The following CSMD1 variants were observed in gnomAD, a reference collection of about 807,000 sequenced individuals.
CSMD1 encodes CUB and sushi domain-containing protein 1.
CSMD1 carries 213 observed loss-of-function variants against 417.5 expected under a neutral mutation model. The observed-to-expected ratio is 0.51, with a 90% CI of 0.46 to 0.57. The LOEUF (loss-of-function observed/expected upper bound fraction) is 0.57, where lower values mean the gene tolerates loss of function less well. Among genes scored for constraint, CSMD1 ranks in the 20% least tolerant of loss-of-function variants. CSMD1 has a pLI of 0.00. For synonymous variants in CSMD1, 2,862 were observed against 1,736.8 expected (o/e 1.65, Z -16.11); for missense variants, 6,923 against 4,529.7 (o/e 1.53, Z -15.17).
At chr8:4,129,679 A>G (rs1802978853) in intron 3 of CSMD1, among the ~76,000 whole-genome samples, 1 of 152,172 alleles carries the variant, frequency 6.6e-6, no homozygotes, top group African/African-American at 2.4e-5. Context: ...GAAATCACCT[A>G]ATGACATTTT....
chr8:4,750,598 G>GCC (rs202035447), intron 1 of CSMD1, among the ~76,000 whole-genome samples: 1 of 151,362 alleles, frequency 6.6e-6, no homozygotes, highest in African/African-American at 2.4e-5. Context: ...AGTGGTTCGT[G>GCC]ATCCAGCAAT....
intron 1 of CSMD1, among the ~76,000 whole-genome samples, chr8:4,742,344 A>G (rs1810674741): frequency 6.6e-6 from 1 of 151,800 alleles, no homozygotes; most frequent in African/African-American, 2.4e-5. Context: ...CTGAATTTTG[A>G]GAAGCACATC....
At chr8:4,183,253 T>G (rs1179110826) in intron 3 of CSMD1, among the ~76,000 whole-genome samples, 1 of 152,200 alleles carries the variant, frequency 6.6e-6, no homozygotes, top group Non-Finnish European at 1.5e-5. Context: ...AAATTTGCAG[T>G]AGACTGAAAA....
At chr8:3,525,034 C>G (rs186423608) in intron 10 of CSMD1, among the ~76,000 whole-genome samples, 1 of 152,272 alleles carries the variant, frequency 6.6e-6, no homozygotes, top group Admixed American at 6.5e-5. Context: ...CTGCCCCAAT[C>G]CCTTGGTCCA....
At chr8:3,711,095 A>G (rs955150188) in intron 6 of CSMD1, among the ~76,000 whole-genome samples, 7 of 152,130 alleles carry the variant, frequency 4.6e-5, no homozygotes, top group Admixed American at 6.5e-5. Context: ...TATATTTCCT[A>G]TAGCAATATT....
intron 50 of CSMD1, among the ~76,000 whole-genome samples, chr8:3,050,003 G>A (rs1047287637): frequency 4.6e-5 from 7 of 151,744 alleles, no homozygotes; most frequent in Admixed American, 6.6e-5. Context: ...AAGTGACCTT[G>A]TCATTTAGCA....
rs182135240 is a variant in CSMD1 at position 4,636,123 on chromosome 8, A to G, written c.302+1219T>C. ...TCTGTAGAGATTTTTTTCTCATCCC[A>G]TAAAATAATAAATGAAGCATATGAT... On this transcript the variant is annotated intron_variant, in intron 2 of 69. Coordinates refer to ENST00000635120, the MANE Select transcript of CSMD1 (RefSeq NM_033225.6). 3.1e-3 allele frequency among the ~76,000 whole-genome samples: 469 copies of G among 152,204 alleles called. 2 individuals are homozygous for G. The highest frequency in any genetic ancestry group is 0.011 in the African/African-American group (454 of 41,552).
At chr8:4,033,577 C>A (rs563845772) in intron 3 of CSMD1, among the ~76,000 whole-genome samples, 1 of 152,322 alleles carries the variant, frequency 6.6e-6, no homozygotes, top group East Asian at 1.9e-4. Flanking sequence ...TTATGTCTCC[C>A]TACAATGTGT....
intron 5 of CSMD1, among the ~76,000 whole-genome samples, chr8:3,767,603 A>G (rs1798348178): frequency 6.6e-6 from 1 of 152,008 alleles, no homozygotes. Flanking sequence ...CTATCTCTCA[A>G]CTATGTTTTA....
At chr8:4,225,773 A>T (rs1418034579) in intron 3 of CSMD1, among the ~76,000 whole-genome samples, 3 of 152,154 alleles carry the variant, frequency 2.0e-5, no homozygotes, top group African/African-American at 7.2e-5. Context: ...ATCTATTCAA[A>T]TCTATTCAGA....
intron 1 of CSMD1, among the ~76,000 whole-genome samples, chr8:4,949,365 T>C (rs1004581295): frequency 5.9e-5 from 9 of 152,192 alleles, no homozygotes; most frequent in African/African-American, 2.2e-4. Flanking sequence ...TGTAAATGTT[T>C]GTGTAAAATT....
chr8:3,562,889 C>G (rs937110122), intron 10 of CSMD1, among the ~76,000 whole-genome samples: 2 of 151,516 alleles, frequency 1.3e-5, no homozygotes, highest in African/African-American at 4.9e-5. Context: ...TACCTTTTAA[C>G]AAACCTGCAC....
intron 2 of CSMD1, among the ~76,000 whole-genome samples, chr8:4,456,688 C>A (rs565283605): frequency 1.1e-4 from 17 of 152,104 alleles, no homozygotes; most frequent in African/African-American, 3.9e-4. Flanking sequence ...TGGATGCTGG[C>A]TCTGGTGGAA....
chr8:4,515,702 T>G (rs943184004), intron 2 of CSMD1, among the ~76,000 whole-genome samples: 3 of 152,130 alleles, frequency 2.0e-5, no homozygotes, highest in Non-Finnish European at 4.4e-5. Flanking sequence ...TGTCCTGCAG[T>G]GCTGGGGTGA....
At chr8:3,294,648 C>T (rs867620518) in intron 25 of CSMD1, among the ~76,000 whole-genome samples, 11 of 152,256 alleles carry the variant, frequency 7.2e-5, no homozygotes, top group East Asian at 1.9e-4. Flanking sequence ...CCTGGTGTGC[C>T]GTTTGCTAAG....
At chr8:3,709,608 A>T (rs917849374) in intron 6 of CSMD1, among the ~76,000 whole-genome samples, 1 of 149,646 alleles carries the variant, frequency 6.7e-6, no homozygotes, top group African/African-American at 2.4e-5. Context: ...GCCCAAATAG[A>T]ACAAAAGGCT....
chr8:3,524,230 TACAC>T (rs888179976), intron 10 of CSMD1, among the ~76,000 whole-genome samples: 2 of 117,250 alleles, frequency 1.7e-5, no homozygotes, highest in African/African-American at 6.7e-5. Flanking sequence ...TGCACACACA[TACAC>T]ACATACACAC....
chr8:3,772,490 CAT>C (rs1349306858), intron 5 of CSMD1, among the ~76,000 whole-genome samples: 1 of 10,166 alleles, frequency 9.8e-5, no homozygotes, highest in Non-Finnish European at 2.5e-4. Flanking sequence ...CATATATACA[CAT>C]ATATACATAT....
intron 2 of CSMD1, among the ~76,000 whole-genome samples, chr8:4,523,501 G>T (rs1034007822): frequency 6.6e-6 from 1 of 152,038 alleles, no homozygotes; most frequent in Non-Finnish European, 1.5e-5. Context: ...GTGTAGGATG[G>T]CTGTTGCTAG....
Sources: allele counts gnomAD v4.1 joint callset (sites outside exome capture counted in the v4.1 genomes callset), GRCh38; gene constraint gnomAD v4.1.1; transcripts MANE v1.5; gene names NCBI Gene and HGNC (gene_info 2026-07-23, HGNC 2026-07-21).